Variants in PDZD2 observed in about 807,000 individuals in gnomAD.
The protein encoded by PDZD2 is PDZ domain containing 2, also known as PDZ domain-containing protein 2.
In PDZD2, 90 loss-of-function variants were observed where a neutral mutation model predicts 220.7. The observed-to-expected ratio is 0.41, with a 90% confidence interval of 0.34 to 0.49. The LOEUF is 0.49. Among genes scored for constraint, PDZD2 ranks in the 20% least tolerant of loss-of-function variants. The pLI is 0.28. For synonymous variants in PDZD2, 1,375 were observed against 1,450.5 expected, an observed-to-expected ratio of 0.95 and a Z score of 1.18; for missense variants, 3,174 against 3,608.5, an observed-to-expected ratio of 0.88 and a Z score of 3.08.
rs547548854 is a variant in PDZD2, at chr5:32,011,061, A to C, written c.1407+579A>C. 2.0e-5 allele frequency among the ~76,000 whole-genome samples: 3 copies of C among 151,418 alleles called. No individual in the cohort carries two copies. The East Asian group carries it at 5.8e-4, about 29-fold the overall frequency. The stretch of plus-strand genomic sequence containing the variant: ...AACAACTGGATATTGAGTTCAGTGC[A>C]TATATTAATTTCTAGAATGCTTTAT... On this transcript the variant is annotated intron_variant, in intron 6 of 24. Coordinates refer to ENST00000438447, the MANE Select transcript of PDZD2 (RefSeq NM_178140.4).
intron 2 of PDZD2, among the ~76,000 whole-genome samples, chr5:31,906,953 A>G (rs915468592): frequency 6.6e-5 from 10 of 152,254 alleles, no homozygotes; most frequent in African/African-American, 2.4e-4. Context: ...ATTAAAGCTT[A>G]TGTCTAAACT....
intron 2 of PDZD2, among the ~76,000 whole-genome samples, chr5:31,813,899 G>A (rs561897920): frequency 6.6e-6 from 1 of 152,268 alleles, no homozygotes; most frequent in East Asian, 1.9e-4. Flanking sequence ...CAGGCACGGT[G>A]GCTCATGCCT....
At chr5:31,896,284 G>T (rs979700494) in intron 2 of PDZD2, among the ~76,000 whole-genome samples, 9 of 151,708 alleles carry the variant, frequency 5.9e-5, no homozygotes, top group African/African-American at 1.9e-4. Context: ...CTCATCCTAG[G>T]TGACTTTATT....
chr5:32,077,717 G>GATT, intron 19 of PDZD2, 111 bp downstream of exon 19: 5 of 1,163,362 alleles, frequency 4.3e-6, no homozygotes, highest in Non-Finnish European at 6.2e-6. Context: ...AGCACTCTGG[G>GATT]AGGCCGAGGT....
chr5:32,093,981 TAAAA>T (rs539550812), intron 21 of PDZD2, among the ~76,000 whole-genome samples: 3 of 144,996 alleles, frequency 2.1e-5, no homozygotes, highest in Non-Finnish European at 4.5e-5. Flanking sequence ...TCATCTCAAT[TAAAA>T]AAAAAAAGTC....
intron 24 of PDZD2, among the ~76,000 whole-genome samples, chr5:32,107,670 C>T (rs1267619398): frequency 6.6e-6 from 1 of 152,164 alleles, no homozygotes; most frequent in Admixed American, 6.5e-5. Flanking sequence ...ACTTGTAGCT[C>T]TTTAGTCTGG....
intron 6 of PDZD2, among the ~76,000 whole-genome samples, chr5:32,016,066 T>C (rs1753760299): frequency 6.6e-6 from 1 of 152,206 alleles, no homozygotes; most frequent in Non-Finnish European, 1.5e-5. Flanking sequence ...AGGGACCTGT[T>C]TCTTACAAGG....
At chr5:31,940,685 C>G (rs1746138316) in intron 2 of PDZD2, among the ~76,000 whole-genome samples, 1 of 152,158 alleles carries the variant, frequency 6.6e-6, no homozygotes, top group Non-Finnish European at 1.5e-5. Context: ...CATTTCAACA[C>G]TTCCCAAATT....
intron 1 of PDZD2, among the ~76,000 whole-genome samples, chr5:31,693,587 G>T (rs530082784): frequency 1.3e-5 from 2 of 151,794 alleles, no homozygotes; most frequent in South Asian, 4.2e-4. Context: ...AAGCTTTGGG[G>T]CTGTACAGTC....
rs755177769 is a variant in PDZD2, at chr5:32,104,716, TAAAAAAA to T, written c.8354-3229_8354-3223del. Among the ~76,000 whole-genome samples the T allele has an allele frequency of 1.1e-3, 33 of 30,084 alleles. No homozygotes were observed. In the East Asian group the frequency reaches 0.014, roughly 13 times the overall value. The allele number at this position is 30,084 out of a possible 152,430, so 19.7% of individuals were successfully genotyped here. A position where few individuals can be genotyped will look rare whatever the true frequency, so the allele number is the denominator to read the frequency against. Reference sequence around the variant, plus strand: ...GCCTGGGGTCAGAGAAGGCTCCATCTAAAAAAAAAAAAAAAAAAAAAAAAAAAAAACA... The same window carrying T: ...GCCTGGGGTCAGAGAAGGCTCCATCTAAAAAAAAAAAAAAAAAAAAAAACA... On this transcript the variant is annotated intron_variant, in intron 24 of 24. Coordinates refer to ENST00000438447, the MANE Select transcript of PDZD2 (RefSeq NM_178140.4).
At position 31,674,893 on chromosome 5, in the gene PDZD2, G is replaced by C. The variant is rs115578859; in HGVS notation, c.-361+35456G>C. ...CAAATGAGGGCAGAGAGAAGGAGAG[G>C]CACATTGTCCTCTGACCCAGGGGGG... On this transcript the variant is annotated intron_variant, in intron 1 of 24. Coordinates refer to ENST00000438447, the MANE Select transcript of PDZD2 (RefSeq NM_178140.4). 6.8e-3 allele frequency among the ~76,000 whole-genome samples: 1,041 copies of C among 152,116 alleles called. 14 individuals carry two copies. The highest frequency in any genetic ancestry group is 0.024 in the African/African-American group (984 of 41,422).
At chr5:31,953,650 T>TAA (rs1554013432) in intron 2 of PDZD2, among the ~76,000 whole-genome samples, 23,066 of 138,938 alleles carry the variant, frequency 0.17, 2,196 homozygotes, top group South Asian at 0.27. Flanking sequence ...CCCTGTCTCT[T>TAA]AAAAAAAAAA....
chr5:32,071,535 C>T (rs953552145), intron 16 of PDZD2, 117 bp downstream of exon 16: 1 of 775,854 alleles, frequency 1.3e-6, no homozygotes, highest in African/African-American at 1.7e-5. Flanking sequence ...TCATTTTTGC[C>T]ACTTTATACA....
chr5:31,856,544 T>C (rs764840815), intron 2 of PDZD2, among the ~76,000 whole-genome samples: 1 of 152,044 alleles, frequency 6.6e-6, no homozygotes, highest in South Asian at 2.1e-4. Context: ...TTATCTAGAG[T>C]GAAGGAAAGA....
chr5:31,995,961 C>G (rs535301805), intron 4 of PDZD2, among the ~76,000 whole-genome samples: 150 of 152,336 alleles, frequency 9.8e-4, no homozygotes, highest in African/African-American at 3.4e-3. Flanking sequence ...GAGAGTGGAT[C>G]TCTTTATAGT....
chr5:31,672,489 C>G (rs1014286980), intron 1 of PDZD2, among the ~76,000 whole-genome samples: 1 of 152,200 alleles, frequency 6.6e-6, no homozygotes, highest in Non-Finnish European at 1.5e-5. Flanking sequence ...CTTCTCTTCC[C>G]CTGCCAACCC....
chr5:32,097,479 C>A, intron 22 of PDZD2, 99 bp downstream of exon 22: 1 of 754,444 alleles, frequency 1.3e-6, no homozygotes, highest in Non-Finnish European at 2.4e-6. Context: ...TCAGAGATTG[C>A]TGGATTTCAT....
At chr5:31,976,694 TTTTCC>T (rs1749794064) in intron 2 of PDZD2, among the ~76,000 whole-genome samples, 1 of 145,468 alleles carries the variant, frequency 6.9e-6, no homozygotes, top group Admixed American at 7.2e-5. Context: ...TGTTTCTTTC[TTTTCC>T]TTTTTTTCTT....
intron 2 of PDZD2, among the ~76,000 whole-genome samples, chr5:31,968,281 C>T (rs1347973069): frequency 6.6e-6 from 1 of 152,136 alleles, no homozygotes; most frequent in Non-Finnish European, 1.5e-5. Flanking sequence ...TGGCTTGAAC[C>T]CGAGAGGCAG....
Sources: allele counts gnomAD v4.1 joint callset (sites outside exome capture counted in the v4.1 genomes callset), GRCh38; gene constraint gnomAD v4.1.1; transcripts MANE v1.5; gene names NCBI Gene and HGNC (gene_info 2026-07-23, HGNC 2026-07-21).